The following CHRM3 variants were observed in gnomAD, a reference collection of about 807,000 sequenced individuals.
CHRM3 encodes the protein cholinergic receptor muscarinic 3.
CHRM3 carries 11 observed loss-of-function variants against 41.8 expected under a neutral mutation model. That is an observed-to-expected ratio of 0.26 (90% CI 0.17 to 0.44). CHRM3 has a LOEUF of 0.44. Among genes scored for constraint, CHRM3 ranks in the 20% least tolerant of loss-of-function variants. The probability of loss-of-function intolerance (pLI) is 1.00; values close to 1 mark genes in which losing one functional copy is unlikely to be tolerated. For synonymous variants in CHRM3, 297 were observed against 301.4 expected (o/e 0.99, Z 0.15); for missense variants, 571 against 745.4 (o/e 0.77, Z 2.72).
chr1:239,474,595 A>T (rs886938188), intron 1 of CHRM3, among the ~76,000 whole-genome samples: 2 of 152,134 alleles, frequency 1.3e-5, no homozygotes, highest in Non-Finnish European at 2.9e-5. Context: ...AGAATGATGT[A>T]TTATGGAAAT....
In CHRM3 at chr1:239,569,599, C is replaced by A. The variant is rs978012293; in HGVS notation, c.-313+23850C>A. ...AGTTTAAGATATCCATTCTTCCTTC[C>A]ACTATAAGCTCTGAATGTAATATGA... On this transcript the variant is annotated intron_variant, in intron 3 of 6. Coordinates refer to ENST00000676153, the MANE Select transcript of CHRM3 (RefSeq NM_001375978.1). 4.6e-5 allele frequency among the ~76,000 whole-genome samples: 7 copies of A among 152,184 alleles called. No individual in the cohort carries two copies. In the East Asian group the frequency reaches 1.4e-3, roughly 29 times the overall value.
In CHRM3 at chr1:239,751,309, T is replaced by G. The variant is rs1051975956; in HGVS notation, c.-147+73021T>G. The stretch of plus-strand genomic sequence containing the variant: ...CTAATATGAAGATATATGAAATAAC[T>G]TGATTACCCCTTCAAGGATATTCAT... On this transcript the variant is annotated intron_variant, in intron 5 of 6. Coordinates refer to ENST00000676153, the MANE Select transcript of CHRM3 (RefSeq NM_001375978.1). Among the ~76,000 whole-genome samples the G allele has an allele frequency of 3.9e-5, 6 of 152,104 alleles. No individual in the cohort carries two copies. The East Asian group carries it at 1.2e-3, about 29-fold the overall frequency.
chr1:239,649,832 A>G (rs557916905), intron 4 of CHRM3, among the ~76,000 whole-genome samples: 2 of 152,330 alleles, frequency 1.3e-5, no homozygotes, highest in South Asian at 4.1e-4. Context: ...AAGGATAATC[A>G]GAAAAGGAGG....
At chr1:239,430,468 T>A (rs562867073) in intron 1 of CHRM3, among the ~76,000 whole-genome samples, 23 of 152,082 alleles carry the variant, frequency 1.5e-4, no homozygotes, top group Non-Finnish European at 3.1e-4. Context: ...ATAGGTATGG[T>A]TTTTGTGTGA....
intron 5 of CHRM3, among the ~76,000 whole-genome samples, chr1:239,713,343 C>T (rs866883543): frequency 6.6e-6 from 1 of 152,086 alleles, no homozygotes; most frequent in Non-Finnish European, 1.5e-5. Flanking sequence ...ATTATACTGT[C>T]GATTCTCTAG....
At chr1:239,497,449 A>C (rs913621827) in intron 2 of CHRM3, among the ~76,000 whole-genome samples, 2 of 151,786 alleles carry the variant, frequency 1.3e-5, no homozygotes, top group African/African-American at 2.4e-5. Flanking sequence ...TCATGTTCTC[A>C]CTCTTTTGCT....
rs141566661 is a variant in CHRM3, at chr1:239,580,863, AG to A, written c.-313+35116del. ...GAAATTTTCTGCAAAAGTGCTCCTT[AG>A]GATTGGTTTTTCACATCCACAGATT... On this transcript the variant is annotated intron_variant, in intron 3 of 6. Transcript: ENST00000676153. Among the ~76,000 whole-genome samples, 972 of 151,544 alleles carry A rather than the reference AG, an allele frequency of 6.4e-3. 10 individuals are homozygous for A. The highest frequency in any genetic ancestry group is 0.023 in the African/African-American group (939 of 41,366).
At chr1:239,609,735 C>G (rs1666772388) in intron 3 of CHRM3, among the ~76,000 whole-genome samples, 1 of 151,958 alleles carries the variant, frequency 6.6e-6, no homozygotes, top group Non-Finnish European at 1.5e-5. Flanking sequence ...CCCTAATGAC[C>G]CATGATCTTG....
chr1:239,426,232 T>C (rs1323005155), intron 1 of CHRM3, among the ~76,000 whole-genome samples: 1 of 142,106 alleles, frequency 7.0e-6, no homozygotes, highest in Non-Finnish European at 1.5e-5. Flanking sequence ...GGAACACTTT[T>C]ACACTGTTCG....
chr1:239,580,298 A>AT (rs1422720090), intron 3 of CHRM3, among the ~76,000 whole-genome samples: 19 of 147,612 alleles, frequency 1.3e-4, no homozygotes, highest in Non-Finnish European at 3.0e-5. Flanking sequence ...ACACACACAC[A>AT]CACACACACA....
chr1:239,531,524 A>G (rs1417508687), intron 2 of CHRM3, among the ~76,000 whole-genome samples: 6 of 152,048 alleles, frequency 3.9e-5, no homozygotes, highest in Admixed American at 3.9e-4. Context: ...GTTTTCTGGT[A>G]CATTTACTTA....
At chr1:239,550,726 T>C (rs1558311354) in intron 3 of CHRM3, among the ~76,000 whole-genome samples, 1 of 152,214 alleles carries the variant, frequency 6.6e-6, no homozygotes, top group East Asian at 1.9e-4. Context: ...TATCTGACTC[T>C]ACTAACTACC....
At chr1:239,881,231 C>G (rs1182675309) in intron 6 of CHRM3, among the ~76,000 whole-genome samples, 4 of 133,344 alleles carry the variant, frequency 3.0e-5, no homozygotes, top group East Asian at 4.4e-4. Flanking sequence ...TGCAGTGAGC[C>G]GAGATCCCGC....
At chr1:239,677,334 T>G (rs1359997627) in intron 4 of CHRM3, among the ~76,000 whole-genome samples, 2 of 152,260 alleles carry the variant, frequency 1.3e-5, no homozygotes, top group African/African-American at 2.4e-5. Context: ...TGTCAAATAC[T>G]TGTTGCCATG....
intron 3 of CHRM3, among the ~76,000 whole-genome samples, chr1:239,585,159 G>A (rs558903030): frequency 5.3e-5 from 8 of 151,600 alleles, no homozygotes; most frequent in East Asian, 3.9e-4. Flanking sequence ...ACATATTCAC[G>A]TGCAAATACA....
intron 3 of CHRM3, among the ~76,000 whole-genome samples, chr1:239,596,383 A>G (rs1664774556): frequency 6.6e-6 from 1 of 152,164 alleles, no homozygotes. Context: ...AGCTGCAAGT[A>G]CAAAAGGGGA....
intron 6 of CHRM3, among the ~76,000 whole-genome samples, chr1:239,884,516 C>T (rs1008553086): frequency 3.9e-5 from 6 of 152,156 alleles, no homozygotes; most frequent in African/African-American, 1.4e-4. Context: ...TGTGGTCATT[C>T]ATTATGGAAA....
intron 5 of CHRM3, among the ~76,000 whole-genome samples, chr1:239,692,798 C>G (rs1433880943): frequency 6.6e-6 from 1 of 152,162 alleles, no homozygotes; most frequent in African/African-American, 2.4e-5. Flanking sequence ...AGTAAGGGAA[C>G]AGTTTCTCCA....
intron 1 of CHRM3, among the ~76,000 whole-genome samples, chr1:239,413,525 T>G (rs1661271952): frequency 6.6e-6 from 1 of 152,116 alleles, no homozygotes; most frequent in East Asian, 1.9e-4. Flanking sequence ...TGACATCAAG[T>G]GTTCTGACCC....
Sources: gnomAD v4.1 joint callset for allele counts (sites outside exome capture counted in the v4.1 genomes callset) on GRCh38, gnomAD v4.1.1 for gene constraint, MANE v1.5 for transcripts, NCBI Gene and HGNC (gene_info 2026-07-23, HGNC 2026-07-21) for gene names.